The following HMGCLL1 variants were observed in gnomAD, a reference collection of about 807,000 sequenced individuals.
HMGCLL1 encodes the protein 3-hydroxymethyl-3-methylglutaryl-CoA lyase, cytoplasmic.
HMGCLL1 carries 36 observed loss-of-function variants against 39.1 expected under a neutral mutation model. That is an observed-to-expected ratio of 0.92 (90% CI 0.71 to 1.22). HMGCLL1 has a LOEUF of 1.22. Among genes scored for constraint, HMGCLL1 ranks in the 50% most tolerant of loss-of-function variants. The pLI is 0.00. For missense variants in HMGCLL1, 451 were observed against 416.5 expected (o/e 1.08, Z -0.72); for synonymous variants, 149 against 144.0 (o/e 1.03, Z -0.25).
At chr6:55,594,232 T>C in the HMGCLL1 span, among the ~76,000 whole-genome samples, 1 of 152,212 alleles carries the variant, frequency 6.6e-6, no homozygotes. Context: ...GATTTATTTT[T>C]CTTCTTTCCT....
chr6:55,602,864 C>A, the HMGCLL1 span, among the ~76,000 whole-genome samples: 1 of 151,994 alleles, frequency 6.6e-6, no homozygotes, highest in African/African-American at 2.4e-5. Context: ...AATAACATTT[C>A]TTGTTTAAAG....
chr6:55,587,170 C>A, the HMGCLL1 span, among the ~76,000 whole-genome samples: 2 of 152,070 alleles, frequency 1.3e-5, no homozygotes, highest in African/African-American at 2.4e-5. Context: ...TTTCATGTGT[C>A]TTTTGGCTGC....
intron 7 of HMGCLL1, among the ~76,000 whole-genome samples, chr6:55,476,965 C>T (rs1333026595): frequency 2.7e-5 from 3 of 110,820 alleles, no homozygotes; most frequent in African/African-American, 8.6e-5. Context: ...ATTATGAATT[C>T]GCTGTCCTTA....
chr6:55,678,360 T>C, the HMGCLL1 span, among the ~76,000 whole-genome samples: 49 of 152,224 alleles, frequency 3.2e-4, no homozygotes, highest in Non-Finnish European at 4.9e-4. Context: ...TGAACATTAT[T>C]TAAATAAAAT....
At chr6:55,438,933 G>A (rs1384877702) in intron 8 of HMGCLL1, among the ~76,000 whole-genome samples, 4 of 152,044 alleles carry the variant, frequency 2.6e-5, no homozygotes, top group Non-Finnish European at 5.9e-5. Flanking sequence ...AACTTGCAAA[G>A]AGACTATTCT....
chr6:55,533,470 T>C (rs1412426063), intron 3 of HMGCLL1, among the ~76,000 whole-genome samples: 1 of 152,158 alleles, frequency 6.6e-6, no homozygotes, highest in Non-Finnish European at 1.5e-5. Context: ...CTAGAGTACA[T>C]TGATATTTTG....
chr6:55,517,643 T>C (rs1048918351), intron 3 of HMGCLL1, among the ~76,000 whole-genome samples: 2 of 151,938 alleles, frequency 1.3e-5, no homozygotes, highest in African/African-American at 4.8e-5. Flanking sequence ...AAAATGCTTT[T>C]TAAAACATAG....
chr6:55,459,781 CTT>C lies in HMGCLL1; in HGVS notation c.796-20224_796-20223del, dbSNP rs1242833510. Among the ~76,000 whole-genome samples, 4 of 151,958 alleles carry C rather than the reference CTT, an allele frequency of 2.6e-5. No individual in the cohort carries two copies. In the South Asian group the frequency reaches 8.3e-4, roughly 32 times the overall value. ...CTTATGATGCCTATACAAACAAACA[CTT>C]TTCAAATTTCACTCAAATGTTATAT... is the stretch of plus-strand genomic sequence containing the variant. On this transcript the variant is annotated intron_variant, in intron 7 of 8. Transcript: ENST00000274901.
At chr6:55,619,910 T>G in the HMGCLL1 span, among the ~76,000 whole-genome samples, 1 of 152,156 alleles carries the variant, frequency 6.6e-6, no homozygotes, top group African/African-American at 2.4e-5. Flanking sequence ...CCTAAATTTT[T>G]AGTTCCCACA....
the HMGCLL1 span, among the ~76,000 whole-genome samples, chr6:55,608,664 G>C: frequency 4.6e-5 from 7 of 152,168 alleles, no homozygotes; most frequent in Non-Finnish European, 1.0e-4. Flanking sequence ...CTATTTTCCA[G>C]TCTCACCTAA....
At chr6:55,652,175 T>C in the HMGCLL1 span, among the ~76,000 whole-genome samples, 3 of 152,098 alleles carry the variant, frequency 2.0e-5, no homozygotes. Flanking sequence ...TTCTGCCATT[T>C]TACTCCATCC....
chr6:55,647,771 T>A, the HMGCLL1 span, among the ~76,000 whole-genome samples: 2 of 103,024 alleles, frequency 1.9e-5, no homozygotes, highest in African/African-American at 7.0e-5. Flanking sequence ...TTTATTTTAT[T>A]TTTTTTTTTT....
At chr6:55,563,159 C>T (rs1291898580) in intron 1 of HMGCLL1, among the ~76,000 whole-genome samples, 1 of 151,984 alleles carries the variant, frequency 6.6e-6, no homozygotes, top group Non-Finnish European at 1.5e-5. Flanking sequence ...AGTGTTTGCT[C>T]TTATGAAAAT....
chr6:55,605,346 T>C, the HMGCLL1 span, among the ~76,000 whole-genome samples: 1 of 152,198 alleles, frequency 6.6e-6, no homozygotes, highest in Non-Finnish European at 1.5e-5. Context: ...TCCAAGAATA[T>C]TTCCTAATAA....
At position 55,542,075 on chromosome 6, in the gene HMGCLL1, T is replaced by C; in HGVS notation, c.174A>G (p.Gly58=). Residue 58 remains glycine, a synonymous_variant, in exon 2 of 9, where the codon GGA becomes GGG. Coordinates refer to ENST00000274901, the MANE Select transcript of HMGCLL1 (RefSeq NM_001042406.2). ...GTAAAACTACCTTTTCATTCTGCAATCCATCCCTAGGCCCAACTTCTACTA... is the reference window on the plus strand; with the variant it reads ...GTAAAACTACCTTTTCATTCTGCAACCCATCCCTAGGCCCAACTTCTACTA... The part of the protein sequence containing the change: ...VKIVEVGPRD[G]LQNEKVIVPT... The C allele has an allele frequency of 6.2e-7, 1 of 1,605,374 alleles. No homozygotes were observed. Among genetic ancestry groups the C allele is most frequent in the Non-Finnish European group, 8.5e-7 (1 of 1,173,406 alleles).
At chr6:55,514,681 C>T (rs868561708) in intron 4 of HMGCLL1, among the ~76,000 whole-genome samples, 1 of 152,142 alleles carries the variant, frequency 6.6e-6, no homozygotes, top group South Asian at 2.1e-4. Context: ...TTTCTTTGGT[C>T]TCCTAACCTA....
the HMGCLL1 span, among the ~76,000 whole-genome samples, chr6:55,654,832 A>G: frequency 4.6e-5 from 7 of 151,852 alleles, no homozygotes; most frequent in Non-Finnish European, 8.8e-5. Flanking sequence ...CATTTTTTAT[A>G]ATATTCACCT....
chr6:55,455,644 T>C (rs553340663), intron 7 of HMGCLL1, among the ~76,000 whole-genome samples: 110 of 152,324 alleles, frequency 7.2e-4, no homozygotes, highest in Non-Finnish European at 1.2e-3. Context: ...AGTAGACATA[T>C]TCTGTATGAT....
At chr6:55,463,186 T>A (rs575870174) in intron 7 of HMGCLL1, among the ~76,000 whole-genome samples, 22 of 151,844 alleles carry the variant, frequency 1.4e-4, no homozygotes, top group Non-Finnish European at 2.5e-4. Flanking sequence ...CATGCCACCA[T>A]GCCTGGCTAA....
Sources: allele counts gnomAD v4.1 joint callset (sites outside exome capture counted in the v4.1 genomes callset), GRCh38; gene constraint gnomAD v4.1.1; transcripts MANE v1.5; gene names NCBI Gene and HGNC (gene_info 2026-07-23, HGNC 2026-07-21).